The following A3GALT2 variants were observed in gnomAD, a reference collection of about 807,000 sequenced individuals.
A3GALT2 encodes the protein alpha-1,3-galactosyltransferase 2.
A neutral mutation model predicts 16.6 loss-of-function variants in A3GALT2; 14 were observed. The ratio of observed to expected loss-of-function variants is 0.84; its 90% CI spans 0.56 to 1.32. The LOEUF (loss-of-function observed/expected upper bound fraction) is 1.32. A3GALT2 is among the 40% of genes most tolerant of loss of function. A3GALT2 has a pLI of 0.00. For synonymous variants in A3GALT2, 253 were observed against 218.0 expected (o/e 1.16, Z -1.42); for missense variants, 600 against 490.9 (o/e 1.22, Z -2.10).
chr1:33,310,700 G>A (rs903526518), intron 4 of A3GALT2, among the ~76,000 whole-genome samples: 4 of 152,186 alleles, frequency 2.6e-5, no homozygotes, highest in Non-Finnish European at 5.9e-5. Context: ...GTGACTGTGG[G>A]AAATGGGAAT....
intron 4 of A3GALT2, among the ~76,000 whole-genome samples, chr1:33,310,480 G>A (rs1646228404): frequency 6.6e-6 from 1 of 152,206 alleles, no homozygotes; most frequent in African/African-American, 2.4e-5. Flanking sequence ...ACAGACCTTG[G>A]GATCCTAGGA....
rs1403175457 is a variant in A3GALT2 at position 33,307,397 on chromosome 1, G to A, written c.392C>T (p.Ala131Val). ...CACGTAGTACATCACGCTCTGGCCC[G>A]CCATGAAGTGCTGCTCCGCCGTCTC... is the stretch of plus-strand genomic sequence containing the variant. The part of the protein sequence containing the change: ...FLETAEQHFM[A>V]GQSVMYYVFT... Residue 131 changes from alanine to valine, a missense_variant, in exon 5 of 5, where the codon GCG becomes GTG. Transcript: ENST00000442999. 4 of 1,560,676 alleles carry A rather than the reference G, an allele frequency of 2.6e-6. No individual in the cohort carries two copies. The highest frequency in any genetic ancestry group is 1.1e-5 in the South Asian group (1 of 88,318).
At chr1:33,311,419 C>T (rs1051023597) in intron 4 of A3GALT2, among the ~76,000 whole-genome samples, 3 of 152,300 alleles carry the variant, frequency 2.0e-5, no homozygotes, top group Admixed American at 2.0e-4. Context: ...GTTCTTCTAG[C>T]TCACTTACTG....
At chr1:33,315,592 G>A (rs1646257947) in intron 1 of A3GALT2, among the ~76,000 whole-genome samples, 1 of 152,146 alleles carries the variant, frequency 6.6e-6, no homozygotes, top group Admixed American at 6.5e-5. Flanking sequence ...CTGCAAGAAT[G>A]CAGTGAGATT....
In A3GALT2 at chr1:33,307,312, G is replaced by C. The variant is rs762885200; in HGVS notation, c.477C>G (p.Pro159=). ...RVALGPGRRL[P]VERVARERRW... ...GCCGCTCGCGCGCCACGCGCTCCAC[G>C]GGCAGCCGGCGTCCCGGGCCCAGCG... Residue 159 remains proline (P), a synonymous_variant, in exon 5 of 5, where the codon CCC becomes CCG. Transcript: ENST00000442999. 2.7e-6 allele frequency: 4 copies of C among 1,496,110 alleles called. No individual in the cohort carries two copies. The highest frequency in any genetic ancestry group is 3.5e-6 in the Non-Finnish European group (4 of 1,133,260). 92.7% of individuals were successfully genotyped at this position (1,496,110 alleles called of 1,614,324 possible). A position where few individuals can be genotyped will look rare whatever the true frequency, so the allele number is the denominator to read the frequency against.
Position 33,316,681 on chromosome 1 carries a change from A to G in A3GALT2, c.24-3791T>C, listed in dbSNP as rs546711468. Among the ~76,000 whole-genome samples the G allele has an allele frequency of 7.2e-5, 11 of 152,204 alleles. No homozygotes were observed. In the East Asian group the frequency reaches 9.7e-4, roughly 13 times the overall value. On this transcript the variant is annotated intron_variant, in intron 1 of 4. Transcript: ENST00000442999. Reference sequence around the variant, plus strand: ...GAGGGCACATGGGCAAGACTTGGCCATGGATTTGAGGGACGGGGCTGAGGT... The same window carrying G: ...GAGGGCACATGGGCAAGACTTGGCCGTGGATTTGAGGGACGGGGCTGAGGT...
At chr1:33,312,692 AG>A in intron 2 of A3GALT2, 102 bp from the exon 3 acceptor site, 1 of 1,429,556 alleles carries the variant, frequency 7.0e-7, no homozygotes, top group Non-Finnish European at 9.7e-7. Context: ...AGAGCTCACA[AG>A]GACACTTGAG....
chr1:33,312,788 T>C lies in A3GALT2; in HGVS notation c.107+19A>G. 2 of 1,586,684 alleles carry C rather than the reference T, an allele frequency of 1.3e-6. No homozygotes were observed. Among genetic ancestry groups the C allele is most frequent in the Non-Finnish European group, 1.7e-6 (2 of 1,164,992 alleles). On this transcript the variant is annotated intron_variant, in intron 2 of 4. Coordinates refer to ENST00000442999, the MANE Select transcript of A3GALT2 (RefSeq NM_001080438.1). Reference sequence around the variant, plus strand: ...CTGACTGTGGTCCTACCTCAAGTGCTGGGGAAAGGGGCTTTTACCTGAATT... The same window carrying C: ...CTGACTGTGGTCCTACCTCAAGTGCCGGGGAAAGGGGCTTTTACCTGAATT...
At chr1:33,308,750 G>GTTTTTTTGT (rs1646216355) in intron 4 of A3GALT2, among the ~76,000 whole-genome samples, 1 of 46,130 alleles carries the variant, frequency 2.2e-5, no homozygotes, top group African/African-American at 1.2e-4. Flanking sequence ...TGTCAAAGTT[G>GTTTTTTTGT]TTTTTTTTTT....
intron 4 of A3GALT2, among the ~76,000 whole-genome samples, chr1:33,309,225 T>C (rs1308907492): frequency 1.3e-5 from 2 of 152,236 alleles, no homozygotes; most frequent in African/African-American, 4.8e-5. Flanking sequence ...ATTTCCCCCT[T>C]TTCTATTCGA....
In A3GALT2 at chr1:33,321,070, C is replaced by T. The variant is rs1435707838; in HGVS notation, c.23+6G>A. 9 of 1,613,078 alleles carry T rather than the reference C, an allele frequency of 5.6e-6. No homozygotes were observed. The highest frequency in any genetic ancestry group is 1.6e-4 in the Middle Eastern group (1 of 6,084). ...TCTTCCTCTCCATACCATTGTCCCC[C>T]CTCACCTGAGTCCCTCCTTGAGAGC... On this transcript the variant is annotated splice_donor_region_variant and intron_variant, in intron 1 of 4. Transcript: ENST00000442999.
chr1:33,308,604 A>G lies in A3GALT2; in HGVS notation c.336-1151T>C, dbSNP rs572819754. On this transcript the variant is annotated intron_variant, in intron 4 of 4. Coordinates refer to ENST00000442999, the MANE Select transcript of A3GALT2 (RefSeq NM_001080438.1). ...GTATTTTTAGTAGAGATGGGGTTTCACCGTGTTGGCCAGGCTGGTCTCGAA... is the reference window on the plus strand; with the variant it reads ...GTATTTTTAGTAGAGATGGGGTTTCGCCGTGTTGGCCAGGCTGGTCTCGAA... 4.7e-3 allele frequency among the ~76,000 whole-genome samples: 706 copies of G among 151,510 alleles called. 2 individuals are homozygous for G. The highest frequency in any genetic ancestry group is 0.014 in the Middle Eastern group (4 of 294).
rs756507128 is a variant in A3GALT2, at chr1:33,311,981, G to A, written c.335+71C>T. On this transcript the variant is annotated intron_variant, in intron 4 of 4. Coordinates refer to ENST00000442999, the MANE Select transcript of A3GALT2 (RefSeq NM_001080438.1). ...ATGGCACAGGGGAGCAGGGTGCCCC[G>A]CCTCCTTCATCACATGCACACCCCT... 395 of 1,585,176 alleles carry A rather than the reference G, an allele frequency of 2.5e-4. 1 individual carries two copies. Among genetic ancestry groups the A allele is most frequent in the Admixed American group, 5.7e-4 (33 of 57,478 alleles).
Position 33,307,341 on chromosome 1 carries a change from C to T in A3GALT2, c.448G>A (p.Val150Met). ...FTELPGAVPR[V>M]ALGPGRRLPV... ...AGCCGGCGTCCCGGGCCCAGCGCCA[C>T]GCGGGGCACCGCTCCCGGAAGCTCG... The change falls in exon 5 of 5, where the codon GTG (valine) becomes ATG (methionine). Residue 150 changes from valine (V) to methionine (M), a missense_variant. Coordinates refer to ENST00000442999, the MANE Select transcript of A3GALT2 (RefSeq NM_001080438.1). 3 of 1,540,248 alleles carry T rather than the reference C, an allele frequency of 1.9e-6. No individual in the cohort carries two copies. The highest frequency in any genetic ancestry group is 2.3e-5 in the South Asian group (2 of 85,320).
Position 33,312,095 on chromosome 1 carries a change from G to A in A3GALT2, c.292C>T (p.Gln98Ter), listed in dbSNP as rs1377335151. The change falls in exon 4 of 5, where the codon CAG becomes TAG. Residue 98 changes from glutamine to a stop codon, truncating the protein, a stop_gained. Transcript: ENST00000442999. LOFTEE classifies it low-confidence loss of function (END_TRUNC). ...DPDVAKQEAR[Q>*]QNLTIGLTIF... ...GTCAGCCCAATGGTGAGGTTCTGCT[G>A]TCTAGCCTCTTGCTTGGCCACATCT... is the stretch of plus-strand genomic sequence containing the variant. 3.1e-6 allele frequency: 5 copies of A among 1,613,586 alleles called. No individual in the cohort carries two copies. In the African/African-American group the frequency reaches 6.7e-5, roughly 22 times the overall value.
intron 4 of A3GALT2, among the ~76,000 whole-genome samples, chr1:33,311,664 C>T (rs1452271052): frequency 1.3e-5 from 2 of 152,158 alleles, no homozygotes; most frequent in Admixed American, 6.5e-5. Flanking sequence ...CAATGGGCAC[C>T]GAATGCAGTG....
intron 1 of A3GALT2, among the ~76,000 whole-genome samples, chr1:33,316,291 T>C (rs539579995): frequency 2.4e-4 from 36 of 152,110 alleles, no homozygotes; most frequent in African/African-American, 8.7e-4. Context: ...GGGATGAGGC[T>C]GCAGAGGTGA....
chr1:33,308,750 G>GTTTTGTTTTTT (rs1646216319), intron 4 of A3GALT2, among the ~76,000 whole-genome samples: 2 of 46,128 alleles, frequency 4.3e-5, no homozygotes, highest in African/African-American at 2.4e-4. Flanking sequence ...TGTCAAAGTT[G>GTTTTGTTTTTT]TTTTTTTTTT....
rs1268828474 is a variant in A3GALT2 at position 33,320,920 on chromosome 1, C to T, written c.23+156G>A. ...TTCTTCTCCTGGGGCAATGTCCCCTCTCGGAGCCACCTTTCCCCAGGACTG... is the reference window on the plus strand; with the variant it reads ...TTCTTCTCCTGGGGCAATGTCCCCTTTCGGAGCCACCTTTCCCCAGGACTG... On this transcript the variant is annotated intron_variant, in intron 1 of 4. Transcript: ENST00000442999. This position sits in a 1 kb window ranked among gnomAD's most constrained non-coding sequence, Gnocchi z 4.3. Among the ~76,000 whole-genome samples the T allele has an allele frequency of 6.6e-6, 1 of 151,994 alleles. No homozygotes were observed.
Sources: gnomAD v4.1 joint callset for allele counts (sites outside exome capture counted in the v4.1 genomes callset) on GRCh38, gnomAD v4.1.1 for gene constraint, Gnocchi (gnomAD v3.1) non-coding constraint, MANE v1.5 for transcripts, NCBI Gene and HGNC (gene_info 2026-07-23, HGNC 2026-07-21) for gene names.